The following MGAT5 variants were observed in gnomAD, a reference collection of about 807,000 sequenced individuals.
MGAT5 encodes the protein alpha-1,6-mannosylglycoprotein 6-beta-N-acetylglucosaminyltransferase A.
Under a neutral mutation model 94.3 loss-of-function variants are expected in MGAT5, and 30 were observed. The observed-to-expected ratio is 0.32, with a 90% confidence interval of 0.24 to 0.43. MGAT5 has a LOEUF of 0.43. Among genes scored for constraint, MGAT5 ranks in the 20% least tolerant of loss-of-function variants. MGAT5 has a pLI of 1.00. For missense variants in MGAT5, 691 were observed against 905.5 expected (o/e 0.76, Z 3.04); for synonymous variants, 310 against 322.9 (o/e 0.96, Z 0.43).
chr2:134,240,500 C>A (rs924731077), intron 1 of MGAT5, among the ~76,000 whole-genome samples: 3 of 151,864 alleles, frequency 2.0e-5, no homozygotes, highest in Non-Finnish European at 4.4e-5. Context: ...TAGTTGTAGT[C>A]GGAAGAGTGA....
intron 2 of MGAT5, among the ~76,000 whole-genome samples, chr2:134,287,735 G>C (rs1221694148): frequency 6.6e-6 from 1 of 152,182 alleles, no homozygotes; most frequent in Non-Finnish European, 1.5e-5. Context: ...CCTATCCACT[G>C]TTGTGAATCT....
chr2:134,157,739 T>C (rs1687542252), intron 1 of MGAT5, among the ~76,000 whole-genome samples: 1 of 151,786 alleles, frequency 6.6e-6, no homozygotes, highest in Non-Finnish European at 1.5e-5. Flanking sequence ...TGCAACTAGA[T>C]GGTCTCATCT....
chr2:134,221,437 C>T (rs907093576), intron 1 of MGAT5, among the ~76,000 whole-genome samples: 1 of 151,910 alleles, frequency 6.6e-6, no homozygotes, highest in South Asian at 2.1e-4. Context: ...TTTCTTGTGC[C>T]GAAGAATCTT....
chr2:134,287,406 T>G (rs1685078976), intron 2 of MGAT5, among the ~76,000 whole-genome samples: 1 of 152,134 alleles, frequency 6.6e-6, no homozygotes, highest in Non-Finnish European at 1.5e-5. Flanking sequence ...TCTGAGAGTT[T>G]TTCTTTTTCA....
At chr2:134,410,817 C>A (rs180800557) in intron 11 of MGAT5, among the ~76,000 whole-genome samples, 1 of 152,200 alleles carries the variant, frequency 6.6e-6, no homozygotes, top group African/African-American at 2.4e-5. Flanking sequence ...TTTCAGAGGT[C>A]AGGAGGCACT....
intron 10 of MGAT5, among the ~76,000 whole-genome samples, chr2:134,369,859 C>T (rs1263449660): frequency 2.0e-5 from 3 of 151,992 alleles, no homozygotes; most frequent in South Asian, 4.2e-4. Context: ...TCATTATTCA[C>T]CTGTGTGTTT....
chr2:134,226,922 C>T (rs1000412018), intron 1 of MGAT5, among the ~76,000 whole-genome samples: 4 of 151,092 alleles, frequency 2.6e-5, no homozygotes, highest in Admixed American at 6.6e-5. Context: ...TCATTCCTGC[C>T]GAAGTCTTCT....
In MGAT5 at chr2:134,129,685, TTTTTTTTAC is replaced by T. The variant is rs1309970366; in HGVS notation, c.-143+9406_-143+9414del. ...AGATGTTGAGCTGAGTACTTTTTTT[TTTTTTTTAC>T]TTTTTTTACTTGTTCTGGCTGAGCT... is the stretch of plus-strand genomic sequence containing the variant. On this transcript the variant is annotated intron_variant, in intron 1 of 16. Transcript: ENST00000409645. Among the ~76,000 whole-genome samples the T allele has an allele frequency of 3.9e-5, 6 of 152,138 alleles. No individual in the cohort carries two copies. In the South Asian group the frequency reaches 6.2e-4, roughly 16 times the overall value.
At chr2:134,258,876 A>G (rs75627690) in intron 1 of MGAT5, among the ~76,000 whole-genome samples, 2,185 of 152,306 alleles carry the variant, frequency 0.014, 27 homozygotes, top group Non-Finnish European at 0.022. Flanking sequence ...GCCTCTCACC[A>G]AGGACTGTGA....
intron 1 of MGAT5, chr2:134,231,369 T>A (rs981427475): frequency 6.6e-6 from 1 of 152,230 alleles, no homozygotes; most frequent in African/African-American, 2.4e-5. Flanking sequence ...AGTTGGTTAA[T>A]TGTATGGTAT....
chr2:134,196,708 C>T (rs569697760), intron 1 of MGAT5, among the ~76,000 whole-genome samples: 11 of 152,316 alleles, frequency 7.2e-5, no homozygotes, highest in South Asian at 2.1e-4. Flanking sequence ...GCTTTGAATG[C>T]GGCCCAACAC....
intron 1 of MGAT5, among the ~76,000 whole-genome samples, chr2:134,170,845 G>A (rs1288870698): frequency 1.4e-4 from 21 of 149,418 alleles, no homozygotes; most frequent in Admixed American, 1.3e-3. Context: ...AGTAGATATA[G>A]ATCTCTACTC....
intron 1 of MGAT5, among the ~76,000 whole-genome samples, chr2:134,257,836 CTTTT>C (rs10628858): frequency 6.6e-5 from 7 of 106,414 alleles, no homozygotes; most frequent in South Asian, 3.1e-4. Flanking sequence ...TTTGCAGTCT[CTTTT>C]TTTTTTTTTT....
intron 9 of MGAT5, among the ~76,000 whole-genome samples, chr2:134,357,411 T>C (rs1436110175): frequency 6.6e-6 from 1 of 152,250 alleles, no homozygotes; most frequent in Non-Finnish European, 1.5e-5. Flanking sequence ...AATTGAATGA[T>C]GGCTTGCAGA....
intron 1 of MGAT5, among the ~76,000 whole-genome samples, chr2:134,148,078 A>G (rs988009335): frequency 2.6e-5 from 4 of 152,236 alleles, no homozygotes; most frequent in Non-Finnish European, 5.9e-5. Context: ...ATCACAATGG[A>G]AAAATATTGT....
intron 2 of MGAT5, among the ~76,000 whole-genome samples, chr2:134,289,846 C>T (rs572747557): frequency 2.0e-4 from 30 of 152,284 alleles, no homozygotes; most frequent in African/African-American, 4.6e-4. Context: ...TATATGACTC[C>T]GCTGGGAGAG....
chr2:134,246,244 C>G (rs1214090350), intron 1 of MGAT5, among the ~76,000 whole-genome samples: 2 of 151,524 alleles, frequency 1.3e-5, no homozygotes, highest in East Asian at 3.9e-4. Flanking sequence ...TGGGCAGCAC[C>G]CTGCCTGCTC....
chr2:134,408,697 A>T (rs975166678), intron 11 of MGAT5, among the ~76,000 whole-genome samples: 2 of 152,162 alleles, frequency 1.3e-5, no homozygotes, highest in African/African-American at 2.4e-5. Flanking sequence ...GCCACTGTTT[A>T]TCCCTTCCTT....
intron 2 of MGAT5, among the ~76,000 whole-genome samples, chr2:134,303,376 A>G (rs1353621366): frequency 6.6e-6 from 1 of 152,184 alleles, no homozygotes; most frequent in Non-Finnish European, 1.5e-5. Flanking sequence ...AGGATATGCT[A>G]TAGAGTGTCT....
Sources: allele counts gnomAD v4.1 joint callset (sites outside exome capture counted in the v4.1 genomes callset), GRCh38; gene constraint gnomAD v4.1.1; transcripts MANE v1.5; gene names NCBI Gene and HGNC (gene_info 2026-07-23, HGNC 2026-07-21).